CUL1: variants seen among roughly 807,000 people sequenced by gnomAD.
The protein encoded by CUL1 is cullin-1.
Under a neutral mutation model 118.0 loss-of-function variants are expected in CUL1, and 24 were observed. That is an observed-to-expected ratio of 0.20 (90% CI 0.15 to 0.29). The LOEUF (loss-of-function observed/expected upper bound fraction) is 0.29, where lower values mean the gene tolerates loss of function less well. Among genes scored for constraint, CUL1 ranks in the 10% least tolerant of loss-of-function variants. The pLI is 1.00. For synonymous variants in CUL1, 332 were observed against 340.4 expected, an observed-to-expected ratio of 0.98 and a Z score of 0.27; for missense variants, 361 against 933.8, an observed-to-expected ratio of 0.39 and a Z score of 7.99.
intron 1 of CUL1, among the ~76,000 whole-genome samples, chr7:148,728,010 A>ACACAAGGTAT (rs1447970569): frequency 1.3e-5 from 2 of 152,134 alleles, no homozygotes; most frequent in Admixed American, 6.5e-5. Context: ...ATACAAGCAG[A>ACACAAGGTAT]CACAAGGTAT....
At chr7:148,741,951 G>A (rs750349148) in intron 2 of CUL1, among the ~76,000 whole-genome samples, 8 of 152,168 alleles carry the variant, frequency 5.3e-5, no homozygotes, top group African/African-American at 9.6e-5. Context: ...TGGTTTTGAT[G>A]TTCACCCTTA....
At position 148,786,538 on chromosome 7, in the gene CUL1, T is replaced by C; in HGVS notation, c.1299-13T>C. On this transcript the variant is annotated splice_polypyrimidine_tract_variant and intron_variant, in intron 11 of 21. Coordinates refer to ENST00000325222, the MANE Select transcript of CUL1 (RefSeq NM_003592.3). ...TGATGTTTTAAAACATGGTATCTTT[T>C]TAAAATTTTCAGTTCCAAGAACCCA... 6.2e-7 allele frequency: 1 copy of C among 1,610,234 alleles called. No individual in the cohort carries two copies. The highest frequency in any genetic ancestry group is 8.5e-7 in the Non-Finnish European group (1 of 1,177,050).
chr7:148,704,129 G>A (rs1348280363), intron 1 of CUL1, among the ~76,000 whole-genome samples: 3 of 151,860 alleles, frequency 2.0e-5, no homozygotes, highest in Non-Finnish European at 2.9e-5. Context: ...GTAAAAAGAG[G>A]GCATGTGAAC....
chr7:148,773,032 C>T (rs778087447), intron 9 of CUL1, among the ~76,000 whole-genome samples: 2 of 152,072 alleles, frequency 1.3e-5, no homozygotes, highest in Non-Finnish European at 2.9e-5. Flanking sequence ...TATCACTGCA[C>T]CTCCCAAATG....
At chr7:148,792,909 C>A in intron 17 of CUL1, 91 bp downstream of exon 17, 1 of 867,876 alleles carries the variant, frequency 1.2e-6, no homozygotes, top group South Asian at 1.6e-5. Flanking sequence ...AGGATATGGG[C>A]ATCTTTAATT....
chr7:148,735,181 C>T, intron 2 of CUL1, among the ~76,000 whole-genome samples: 1 of 152,216 alleles, frequency 6.6e-6, no homozygotes, highest in East Asian at 1.9e-4. Context: ...ATTCAGAATT[C>T]ACATTTAATT....
chr7:148,704,621 A>G (rs912249642), intron 1 of CUL1, among the ~76,000 whole-genome samples: 12 of 152,208 alleles, frequency 7.9e-5, no homozygotes, highest in Admixed American at 1.3e-4. Context: ...TTTAACTTCC[A>G]TAATACTGTA....
In CUL1 at chr7:148,736,128, C is replaced by T. The variant is rs542085512; in HGVS notation, c.140+5866C>T. 3.3e-5 allele frequency among the ~76,000 whole-genome samples: 5 copies of T among 151,972 alleles called. No individual in the cohort carries two copies. In the East Asian group the frequency reaches 7.7e-4, roughly 24 times the overall value. ...GGTCGAGGCTGCAGTGAGTCATGAT[C>T]GCACCACTGCACTCCAGCCTGGGCA... is the stretch of plus-strand genomic sequence containing the variant. On this transcript the variant is annotated intron_variant, in intron 2 of 21. Coordinates refer to ENST00000325222, the MANE Select transcript of CUL1 (RefSeq NM_003592.3).
At chr7:148,711,647 T>A (rs898992880) in intron 1 of CUL1, among the ~76,000 whole-genome samples, 3 of 151,780 alleles carry the variant, frequency 2.0e-5, no homozygotes, top group Non-Finnish European at 4.4e-5. Flanking sequence ...ATCAGAGTTT[T>A]CGACTCAGGG....
chr7:148,788,582 C>G lies in CUL1; in HGVS notation c.1505C>G (p.Ser502Cys). Residue 502 changes from serine to cysteine, a missense_variant, in exon 14 of 22, where the codon TCT becomes TGT. Physicochemically the swap from Ser to Cys is moderately radical, Grantham distance 112. Coordinates refer to ENST00000325222, the MANE Select transcript of CUL1 (RefSeq NM_003592.3). ...LKQACGFEYT[S>C]KLQRMFQDIG... ...CAAGCTTGCGGGTTCGAGTACACCTCTAAACTTCAGCGCATGTTTCAAGAC... is the reference window on the plus strand; with the variant it reads ...CAAGCTTGCGGGTTCGAGTACACCTGTAAACTTCAGCGCATGTTTCAAGAC... 2 of 1,614,010 alleles carry G rather than the reference C, an allele frequency of 1.2e-6. No homozygotes were observed. Among genetic ancestry groups the G allele is most frequent in the Non-Finnish European group, 1.7e-6 (2 of 1,179,968 alleles).
chr7:148,750,094 A>T (rs527282776), intron 2 of CUL1, among the ~76,000 whole-genome samples: 9 of 152,290 alleles, frequency 5.9e-5, no homozygotes, highest in Admixed American at 2.0e-4. Context: ...GAAAAGCTAG[A>T]AGCTAGCAGA....
rs1483993510 is a variant in CUL1, at chr7:148,800,684, C to T, written c.*102C>T. 2 of 882,496 alleles carry T rather than the reference C, an allele frequency of 2.3e-6. No individual in the cohort carries two copies. Among genetic ancestry groups the T allele is most frequent in the Non-Finnish European group, 3.6e-6 (2 of 555,702 alleles). The allele number at this position is 882,496 out of a possible 1,614,324, so 54.7% of individuals were successfully genotyped here. On this transcript the variant is annotated 3_prime_UTR_variant, in exon 22 of 22. Transcript: ENST00000325222. This position sits in a 1 kb window ranked among gnomAD's most constrained non-coding sequence, Gnocchi z 4.6. ...TAGCAGCCAGCCTGCCGCCATTGGA[C>T]CTCCCTTTTAAAAACTGAGACCAAG...
At position 148,783,100 on chromosome 7, in the gene CUL1, C is replaced by T. The variant is rs916569909; in HGVS notation, c.1084-683C>T. Reference sequence around the variant, plus strand: ...TGCCTAGCAGCAGCGCTGTTTTTCTCATTAGCACTTAGCTCCGTCTCCTTT... The same window carrying T: ...TGCCTAGCAGCAGCGCTGTTTTTCTTATTAGCACTTAGCTCCGTCTCCTTT... On this transcript the variant is annotated intron_variant, in intron 9 of 21. Coordinates refer to ENST00000325222, the MANE Select transcript of CUL1 (RefSeq NM_003592.3). Among the ~76,000 whole-genome samples the T allele has an allele frequency of 3.3e-5, 5 of 151,954 alleles. 1 individual carries two copies. The highest frequency in any genetic ancestry group is 7.2e-5 in the African/African-American group (3 of 41,406).
chr7:148,782,095 T>C (rs1487996113), intron 9 of CUL1, among the ~76,000 whole-genome samples: 1 of 152,196 alleles, frequency 6.6e-6, no homozygotes, highest in Non-Finnish European at 1.5e-5. Flanking sequence ...GCTGGAGCAC[T>C]TTGTAAATAC....
chr7:148,778,745 C>T lies in CUL1; in HGVS notation c.1084-5038C>T, dbSNP rs144784673. 1.2e-3 allele frequency among the ~76,000 whole-genome samples: 180 copies of T among 152,296 alleles called. 1 individual carries two copies. In the South Asian group the frequency reaches 0.019, roughly 16 times the overall value. On this transcript the variant is annotated intron_variant, in intron 9 of 21. Coordinates refer to ENST00000325222, the MANE Select transcript of CUL1 (RefSeq NM_003592.3). ...TCCTAAAGCTCTTGTAATTGATCTG[C>T]TCTCTTTAGCCCCTGGCTGGATGAA...
chr7:148,746,082 C>T lies in CUL1; in HGVS notation c.141-7894C>T, dbSNP rs147340616. On this transcript the variant is annotated intron_variant, in intron 2 of 21. Transcript: ENST00000325222. ...CCTTTCAATCTGTTTTGTGAGGCCC[C>T]TTGCCTGTGTGTGTGTGAGGTCCTC... 1.2e-4 allele frequency among the ~76,000 whole-genome samples: 18 copies of T among 151,952 alleles called. No homozygotes were observed. In the East Asian group the frequency reaches 3.5e-3, roughly 29 times the overall value.
intron 2 of CUL1, among the ~76,000 whole-genome samples, chr7:148,742,758 C>T (rs755216829): frequency 1.6e-4 from 25 of 151,924 alleles, no homozygotes; most frequent in African/African-American, 4.6e-4. Context: ...TGCACCACCA[C>T]GCCCAGCTAA....
At chr7:148,763,069 C>T (rs1409091312) in intron 7 of CUL1, among the ~76,000 whole-genome samples, 2 of 152,068 alleles carry the variant, frequency 1.3e-5, no homozygotes, top group South Asian at 2.1e-4. Flanking sequence ...ATCACTTGAA[C>T]CTGGGAGGCG....
Position 148,797,982 on chromosome 7 carries a change from C to G in CUL1, c.1993C>G (p.Pro665Ala). 6.2e-7 allele frequency: 1 copy of G among 1,610,454 alleles called. No individual in the cohort carries two copies. Among genetic ancestry groups the G allele is most frequent in the Non-Finnish European group, 8.5e-7 (1 of 1,177,288 alleles). ...NANVDEVELK[P>A]DTLIKLYLGY... is the part of the protein sequence containing the mutation. ...AAATGTTGATGAGGTGGAATTGAAG[C>G]CAGATACCTTAATAAAATTATATCT... The change falls in exon 19 of 22, where the codon CCA becomes GCA. Residue 665 changes from proline (P) to alanine (A), a missense_variant. This residue lies in a region of CUL1 where 84 missense variants were observed against 203.3 expected (regional missense o/e 0.41). Transcript: ENST00000325222.
Sources: allele counts gnomAD v4.1 joint callset (sites outside exome capture counted in the v4.1 genomes callset), GRCh38; gene constraint gnomAD v4.1.1; regional missense constraint gnomAD v4.1.1; non-coding constraint Gnocchi (gnomAD v3.1); transcripts MANE v1.5; gene names NCBI Gene and HGNC (gene_info 2026-07-23, HGNC 2026-07-21).